Variants in GATA4 observed in about 807,000 individuals in gnomAD.
GATA4 encodes transcription factor GATA-4.
A neutral mutation model predicts 37.9 loss-of-function variants in GATA4; 7 were observed. The observed-to-expected ratio is 0.18, with a 90% confidence interval of 0.11 to 0.35. GATA4 has a LOEUF of 0.35. Ranked by LOEUF, GATA4 falls within the 10% of genes least tolerant of loss-of-function variation. The probability of loss-of-function intolerance (pLI) is 1.00; values close to 1 mark genes in which losing one functional copy is unlikely to be tolerated. For synonymous variants in GATA4, 372 were observed against 292.6 expected, an observed-to-expected ratio of 1.27 and a Z score of -2.77; for missense variants, 647 against 653.0, an observed-to-expected ratio of 0.99 and a Z score of 0.10.
intron 1 of GATA4, chr8:11,680,664 C>A (rs1798935713): frequency 2.0e-6 from 2 of 985,318 alleles, no homozygotes; most frequent in African/African-American, 1.7e-5. Flanking sequence ...CTCGGGTCGC[C>A]CTTTGCGTCA....
intron 2 of GATA4, among the ~76,000 whole-genome samples, chr8:11,713,841 C>T (rs752675062): frequency 2.6e-5 from 4 of 152,242 alleles, no homozygotes; most frequent in Non-Finnish European, 5.9e-5. Context: ...CCTTGCAGGG[C>T]TAGGATAGGA....
intron 1 of GATA4, among the ~76,000 whole-genome samples, chr8:11,694,204 G>C (rs115899753): frequency 0.017 from 2,532 of 152,276 alleles, 68 homozygotes; most frequent in South Asian, 0.087. Context: ...CTGGCACATA[G>C]TAAACATTCA....
intron 2 of GATA4, among the ~76,000 whole-genome samples, chr8:11,724,019 C>T (rs1265732907): frequency 1.3e-5 from 2 of 152,192 alleles, no homozygotes. Flanking sequence ...TGCTTTCTGT[C>T]TCTCTGAATG....
In GATA4 at chr8:11,748,855, G is replaced by C. The variant is rs10503425; in HGVS notation, c.617-61G>C. The C allele has an allele frequency of 0.14, 215,518 of 1,577,196 alleles. 17,005 individuals are homozygous for C. Among genetic ancestry groups the C allele is most frequent in the Non-Finnish European group, 0.16 (181,043 of 1,146,472 alleles). ...GCGCTCTAGATTCTCAGATGTGAGA[G>C]CTGGGCATAAACAAAGAATTAATCC... On this transcript the variant is annotated intron_variant, in intron 2 of 6. Transcript: ENST00000532059.
At position 11,749,046 on chromosome 8, in the gene GATA4, C is replaced by T. The variant is rs140212153; in HGVS notation, c.747C>T (p.Asn249=). 29 of 1,614,086 alleles carry T rather than the reference C, an allele frequency of 1.8e-5. No individual in the cohort carries two copies. The highest frequency in any genetic ancestry group is 8.0e-5 in the African/African-American group (6 of 74,916). The part of the protein sequence containing the change: ...CNACGLYHKM[N]GINRPLIKPQ... ...CCTGCGGCCTCTACCACAAGATGAA[C>T]GGCATCAACCGGCCGCTCATCAAGC... Residue 249 remains asparagine, a synonymous_variant, in exon 3 of 7, where the codon AAC becomes AAT. Transcript: ENST00000532059. This position sits in a 1 kb window ranked among gnomAD's most constrained non-coding sequence, Gnocchi z 4.6.
intron 2 of GATA4, among the ~76,000 whole-genome samples, chr8:11,730,653 A>G (rs1801160825): frequency 6.6e-6 from 1 of 152,168 alleles, no homozygotes; most frequent in Non-Finnish European, 1.5e-5. Context: ...CTGTGGGAAA[A>G]GGGATGATAT....
intron 2 of GATA4, among the ~76,000 whole-genome samples, chr8:11,737,115 C>G (rs902906830): frequency 6.6e-6 from 1 of 151,984 alleles, no homozygotes; most frequent in African/African-American, 2.4e-5. Flanking sequence ...GCGATTGGAG[C>G]TTAACCTCGG....
intron 2 of GATA4, among the ~76,000 whole-genome samples, chr8:11,719,049 G>A (rs1014077323): frequency 1.3e-5 from 2 of 152,204 alleles, no homozygotes; most frequent in Non-Finnish European, 2.9e-5. Flanking sequence ...AGATAAAAAA[G>A]AGTTCATCAA....
intron 2 of GATA4, among the ~76,000 whole-genome samples, chr8:11,710,550 C>T (rs1463665288): frequency 6.0e-5 from 9 of 150,284 alleles, no homozygotes; most frequent in Non-Finnish European, 1.0e-4. Flanking sequence ...AATTAGCGGT[C>T]GTGGTGGCGC....
At chr8:11,681,456 T>TCCGGGGC (rs1188516841) in intron 1 of GATA4, 14 of 975,378 alleles carry the variant, frequency 1.4e-5, no homozygotes, top group Non-Finnish European at 1.4e-5. Flanking sequence ...GACGCCGGAA[T>TCCGGGGC]CCGGGGCCCG....
chr8:11,685,175 A>G (rs1000047025), intron 1 of GATA4, among the ~76,000 whole-genome samples: 1 of 152,348 alleles, frequency 6.6e-6, no homozygotes, highest in African/African-American at 2.4e-5. Flanking sequence ...AATCCATTAC[A>G]CGATCATTAA....
chr8:11,755,174 G>C, intron 5 of GATA4, 41 bp downstream of exon 5: 1 of 1,520,152 alleles, frequency 6.6e-7, no homozygotes, highest in Non-Finnish European at 9.1e-7. Flanking sequence ...AGTACATCAG[G>C]AGCCCTCAGA....
intron 1 of GATA4, among the ~76,000 whole-genome samples, chr8:11,682,444 T>A (rs1306415467): frequency 6.6e-6 from 1 of 152,234 alleles, no homozygotes; most frequent in Non-Finnish European, 1.5e-5. Context: ...TTATTATTTG[T>A]TTTAGGTAGA....
intron 1 of GATA4, among the ~76,000 whole-genome samples, chr8:11,677,457 C>G (rs1798820546): frequency 6.6e-6 from 1 of 152,188 alleles, no homozygotes; most frequent in South Asian, 2.1e-4. Context: ...TAAATACATA[C>G]ACACCAGAAA....
chr8:11,723,531 G>A (rs1403867561), intron 2 of GATA4, among the ~76,000 whole-genome samples: 3 of 152,060 alleles, frequency 2.0e-5, no homozygotes, highest in African/African-American at 7.2e-5. Flanking sequence ...CTCTTTTTAT[G>A]AGTTTTCTCT....
At chr8:11,750,037 G>A (rs929615309) in intron 3 of GATA4, 74 bp from the exon 4 acceptor site, 42 of 1,608,750 alleles carry the variant, frequency 2.6e-5, no homozygotes, top group South Asian at 5.5e-5. Context: ...GCCCAGCTCC[G>A]CAGCCACACG....
chr8:11,709,581 G>GGC lies in GATA4; in HGVS notation c.616+654_616+655insCG, dbSNP rs1554488919. On this transcript the variant is annotated intron_variant, in intron 2 of 6. Transcript: ENST00000532059. The surrounding 1 kb of genome is among the most constrained non-coding windows in gnomAD (Gnocchi z 4.3). ...GGGCGCATCATGCGGGCAGCGGGGG[G>GGC]GGGGGCGCACACGCCCGGTCAGTGT... Among the ~76,000 whole-genome samples, 1 of 151,846 alleles carries GGC rather than the reference G, an allele frequency of 6.6e-6. No homozygotes were observed. Among genetic ancestry groups the GGC allele is most frequent in the Non-Finnish European group, 1.5e-5 (1 of 67,836 alleles).
chr8:11,741,112 C>G (rs750972823), intron 2 of GATA4, among the ~76,000 whole-genome samples: 1 of 152,180 alleles, frequency 6.6e-6, no homozygotes, highest in Non-Finnish European at 1.5e-5. Flanking sequence ...TTCTGGGAGT[C>G]TGCATGTTTA....
intron 1 of GATA4, chr8:11,681,139 G>A (rs1012406909): frequency 2.0e-6 from 2 of 985,238 alleles, no homozygotes; most frequent in Non-Finnish European, 2.4e-6. Context: ...CGAGCCCAGG[G>A]AATCTCCAGC....
Sources: gnomAD v4.1 joint callset for allele counts (sites outside exome capture counted in the v4.1 genomes callset) on GRCh38, gnomAD v4.1.1 for gene constraint, Gnocchi (gnomAD v3.1) non-coding constraint, MANE v1.5 for transcripts, NCBI Gene and HGNC (gene_info 2026-07-23, HGNC 2026-07-21) for gene names.